The following SHISA9 variants were observed in gnomAD, a reference collection of about 807,000 sequenced individuals.
SHISA9 encodes shisa family member 9, also known as protein shisa-9.
In SHISA9, 13 loss-of-function variants were observed where a neutral mutation model predicts 38.0. The ratio of observed to expected loss-of-function variants is 0.34; its 90% CI spans 0.22 to 0.54. SHISA9 has a LOEUF of 0.54. SHISA9 is among the 20% of genes least tolerant of loss of function. The probability of loss-of-function intolerance (pLI) is 0.91; values close to 1 mark genes in which losing one functional copy is unlikely to be tolerated. For missense variants in SHISA9, 538 were observed against 575.8 expected, an observed-to-expected ratio of 0.93 and a Z score of 0.67; for synonymous variants, 275 against 242.0, an observed-to-expected ratio of 1.14 and a Z score of -1.27.
the SHISA9 span, among the ~76,000 whole-genome samples, chr16:13,532,302 A>C: frequency 3.3e-5 from 5 of 152,316 alleles, no homozygotes; most frequent in South Asian, 1.0e-3. Flanking sequence ...GGGTAACCTC[A>C]GGTGATAACC....
At position 13,110,981 on chromosome 16, in the gene SHISA9, G is replaced by A. The variant is rs955112583; in HGVS notation, c.692-92413G>A. Among the ~76,000 whole-genome samples, 17 of 152,160 alleles carry A rather than the reference G, an allele frequency of 1.1e-4. No individual in the cohort carries two copies. In the East Asian group the frequency reaches 3.3e-3, roughly 29 times the overall value. ...TCAGACATACAAGAGATGTGAAACTGGCTAGCCATATGCAGAAAACTGAAA... is the reference window on the plus strand; with the variant it reads ...TCAGACATACAAGAGATGTGAAACTAGCTAGCCATATGCAGAAAACTGAAA... On this transcript the variant is annotated intron_variant, in intron 2 of 4. Transcript: ENST00000558583.
chr16:12,995,652 C>T (rs981630828), intron 2 of SHISA9, among the ~76,000 whole-genome samples: 8 of 152,150 alleles, frequency 5.3e-5, no homozygotes, highest in African/African-American at 1.7e-4. Flanking sequence ...GGTCCCTAAG[C>T]CTCAGAGGAA....
chr16:12,980,293 ATCTTTGAGG>A lies in SHISA9; in HGVS notation c.691+63482_691+63490del, dbSNP rs2072223651. Among the ~76,000 whole-genome samples, 3 of 152,284 alleles carry A rather than the reference ATCTTTGAGG, an allele frequency of 2.0e-5. No individual in the cohort carries two copies. In the South Asian group the frequency reaches 6.2e-4, roughly 32 times the overall value. ...TTTAATTTGGGGCTTTCTATGGCAA[ATCTTTGAGG>A]TCTCGTACATCTGAAAATATTTTTA... On this transcript the variant is annotated intron_variant, in intron 2 of 4. Transcript: ENST00000558583.
chr16:13,224,111 G>A (rs2051256012), intron 4 of SHISA9, among the ~76,000 whole-genome samples: 1 of 152,210 alleles, frequency 6.6e-6, no homozygotes, highest in Non-Finnish European at 1.5e-5. Context: ...AATTCCTAGT[G>A]AAGGCAGTAG....
At chr16:12,942,059 C>A (rs2071619074) in intron 2 of SHISA9, among the ~76,000 whole-genome samples, 1 of 151,924 alleles carries the variant, frequency 6.6e-6, no homozygotes, top group Non-Finnish European at 1.5e-5. Flanking sequence ...CCATTTGGGA[C>A]CCTCAGTGCA....
At chr16:13,004,823 T>G (rs1313829445) in intron 2 of SHISA9, among the ~76,000 whole-genome samples, 10 of 150,606 alleles carry the variant, frequency 6.6e-5, no homozygotes, top group Non-Finnish European at 1.5e-4. Context: ...TCCCAGCTAC[T>G]TGGGAGGCTG....
intron 2 of SHISA9, among the ~76,000 whole-genome samples, chr16:12,972,345 A>G (rs1413704865): frequency 6.6e-6 from 1 of 152,156 alleles, no homozygotes; most frequent in Non-Finnish European, 1.5e-5. Context: ...CAAGGTAGAA[A>G]CAAAGTCTGG....
At chr16:13,367,708 GCGCGCACACACACA>G in the SHISA9 span, among the ~76,000 whole-genome samples, 33 of 116,630 alleles carry the variant, frequency 2.8e-4, no homozygotes, top group African/African-American at 8.5e-4. Context: ...GCGCGCGCGC[GCGCGCACACACACA>G]CACACACACA....
At chr16:13,089,149 G>T (rs1299935414) in intron 2 of SHISA9, among the ~76,000 whole-genome samples, 1 of 152,170 alleles carries the variant, frequency 6.6e-6, no homozygotes, top group Non-Finnish European at 1.5e-5. Context: ...TTGTATCCCA[G>T]GGATGAAGAT....
the SHISA9 span, among the ~76,000 whole-genome samples, chr16:13,444,778 C>A: frequency 7.0e-6 from 1 of 143,222 alleles, no homozygotes; most frequent in East Asian, 2.0e-4. Context: ...ATTTCTCTTT[C>A]TTCCCTCCCT....
chr16:13,365,454 C>CTTTT, the SHISA9 span, among the ~76,000 whole-genome samples: 741 of 112,468 alleles, frequency 6.6e-3, 32 homozygotes, highest in African/African-American at 0.023. Context: ...GAGTATACCT[C>CTTTT]TTTTTTTTTT....
the SHISA9 span, among the ~76,000 whole-genome samples, chr16:13,455,817 G>C: frequency 6.6e-6 from 1 of 152,142 alleles, no homozygotes; most frequent in Non-Finnish European, 1.5e-5. Flanking sequence ...TCATTCTCCT[G>C]TTTGAAGAAA....
intron 2 of SHISA9, among the ~76,000 whole-genome samples, chr16:13,008,675 C>G (rs4781381): frequency 3.2e-5 from 4 of 125,110 alleles, no homozygotes; most frequent in East Asian, 4.7e-4. Context: ...TCCTCCCTCC[C>G]TCCCTCTCTC....
chr16:13,307,999 C>T, the SHISA9 span, among the ~76,000 whole-genome samples: 3 of 152,206 alleles, frequency 2.0e-5, no homozygotes, highest in African/African-American at 7.2e-5. Context: ...CCATATGTTA[C>T]AGACCAGGGA....
chr16:13,454,544 T>G, the SHISA9 span, among the ~76,000 whole-genome samples: 2 of 152,216 alleles, frequency 1.3e-5, no homozygotes, highest in African/African-American at 4.8e-5. Flanking sequence ...TCGTCATCTT[T>G]GTTTTACAGA....
chr16:13,019,823 TC>T (rs2072808053), intron 2 of SHISA9, among the ~76,000 whole-genome samples: 2 of 133,040 alleles, frequency 1.5e-5, no homozygotes, highest in African/African-American at 5.8e-5. Context: ...TTTCTTTCTT[TC>T]TTTCTTTCTT....
At chr16:13,265,278 T>C in the SHISA9 span, among the ~76,000 whole-genome samples, 5 of 115,444 alleles carry the variant, frequency 4.3e-5, no homozygotes, top group Non-Finnish European at 8.9e-5. Context: ...CATTCCCCTT[T>C]CCTTTCTTCT....
At chr16:13,187,395 C>A (rs7196678) in intron 2 of SHISA9, among the ~76,000 whole-genome samples, 21,696 of 140,552 alleles carry the variant, frequency 0.15, 1,892 homozygotes, top group African/African-American at 0.23. Context: ...AGTGCAGTGG[C>A]ACAATCTCAG....
intron 4 of SHISA9, among the ~76,000 whole-genome samples, chr16:13,221,976 A>G (rs1398736191): frequency 6.6e-6 from 1 of 152,214 alleles, no homozygotes; most frequent in African/African-American, 2.4e-5. Context: ...AAAGAGGTTC[A>G]ATGGACTCAC....
Sources: gnomAD v4.1 joint callset for allele counts (sites outside exome capture counted in the v4.1 genomes callset) on GRCh38, gnomAD v4.1.1 for gene constraint, MANE v1.5 for transcripts, NCBI Gene and HGNC (gene_info 2026-07-23, HGNC 2026-07-21) for gene names.